The following PCDHGA2 variants were observed in gnomAD, a reference collection of about 807,000 sequenced individuals.
PCDHGA2 encodes protocadherin gamma-A2.
PCDHGA2 carries 40 observed loss-of-function variants against 59.2 expected under a neutral mutation model. The observed-to-expected ratio is 0.68, with a 90% CI of 0.52 to 0.88. The LOEUF is 0.88. Ranked by LOEUF, PCDHGA2 falls within the 40% of genes least tolerant of loss-of-function variation. PCDHGA2 has a pLI of 0.00. For missense variants in PCDHGA2, 1,226 were observed against 1,204.0 expected, an observed-to-expected ratio of 1.02 and a Z score of -0.27; for synonymous variants, 560 against 526.0, an observed-to-expected ratio of 1.06 and a Z score of -0.89.
At chr5:141,484,383 A>C (rs968059260) in intron 1 of PCDHGA2, among the ~76,000 whole-genome samples, 1 of 152,194 alleles carries the variant, frequency 6.6e-6, no homozygotes, top group Non-Finnish European at 1.5e-5. Context: ...ATGTCTGAAT[A>C]AGAAAGGTTT....
At position 141,431,374 on chromosome 5, in the gene PCDHGA2, G is replaced by T. The variant is rs1561851775; in HGVS notation, c.2425-63433G>T. On this transcript the variant is annotated intron_variant, in intron 1 of 3. Coordinates refer to ENST00000394576, the MANE Select transcript of PCDHGA2 (RefSeq NM_018915.4). The surrounding 1 kb of genome is among the most constrained non-coding windows in gnomAD (Gnocchi z 4.8). ...AACGCGCCCTGGACCGCGAAGAAAA[G>T]GCTGCTCACCACCTGGTCCTTACGG... 1.9e-6 allele frequency: 3 copies of T among 1,613,862 alleles called. No individual in the cohort carries two copies. Among genetic ancestry groups the T allele is most frequent in the Non-Finnish European group, 2.5e-6 (3 of 1,180,044 alleles).
chr5:141,343,562 T>G lies in PCDHGA2; in HGVS notation c.2424+2167T>G, dbSNP rs573818238. On this transcript the variant is annotated intron_variant, in intron 1 of 3. Coordinates refer to ENST00000394576, the MANE Select transcript of PCDHGA2 (RefSeq NM_018915.4). ...TCTTAAACTGAACAATTCAAAAAAG[T>G]TAACTCCACTATGTTTGAAGCAATA... is the stretch of plus-strand genomic sequence containing the variant. 3.3e-5 allele frequency among the ~76,000 whole-genome samples: 5 copies of G among 152,284 alleles called. No homozygotes were observed. The South Asian group carries it at 8.3e-4, about 25-fold the overall frequency.
intron 1 of PCDHGA2, chr5:141,409,940 C>T (rs1368587420): frequency 1.2e-5 from 19 of 1,613,118 alleles, no homozygotes; most frequent in Non-Finnish European, 1.6e-5. Context: ...TATGGTACCT[C>T]GCTCTGCAGA....
chr5:141,383,125 G>A (rs757654723), intron 1 of PCDHGA2: 6 of 1,614,062 alleles, frequency 3.7e-6, no homozygotes, highest in South Asian at 3.3e-5. Context: ...GCAGCTTTTC[G>A]CCCTGAACCA....
intron 1 of PCDHGA2, chr5:141,376,901 A>G: frequency 5.2e-6 from 1 of 191,460 alleles, no homozygotes. Context: ...GTTAGCCAGG[A>G]TGGTCTCGAT....
At chr5:141,443,538 G>A (rs768723399) in intron 1 of PCDHGA2, among the ~76,000 whole-genome samples, 2 of 152,118 alleles carry the variant, frequency 1.3e-5, no homozygotes, top group African/African-American at 4.8e-5. Flanking sequence ...TTTAAAGCTT[G>A]GGAAATTGTT....
chr5:141,490,686 C>T lies in PCDHGA2; in HGVS notation c.2425-4121C>T. The T allele has an allele frequency of 3.7e-6, 6 of 1,614,196 alleles. No homozygotes were observed. The highest frequency in any genetic ancestry group is 5.1e-6 in the Non-Finnish European group (6 of 1,180,014). ...GCACTGTGGCTGCCTCAGATCCAGA[C>T]ACTGGGGATAATGCCCGCCTCACCT... On this transcript the variant is annotated intron_variant, in intron 1 of 3. Coordinates refer to ENST00000394576, the MANE Select transcript of PCDHGA2 (RefSeq NM_018915.4). This position sits in a 1 kb window ranked among gnomAD's most constrained non-coding sequence, Gnocchi z 5.4.
At chr5:141,409,461 T>C in intron 1 of PCDHGA2, 1 of 1,613,928 alleles carries the variant, frequency 6.2e-7, no homozygotes, top group Non-Finnish European at 8.5e-7. Flanking sequence ...GAATACAATG[T>C]CACCATCGTA....
intron 1 of PCDHGA2, chr5:141,350,588 C>T: frequency 6.2e-7 from 1 of 1,613,962 alleles, no homozygotes; most frequent in Non-Finnish European, 8.5e-7. Flanking sequence ...CGCTGAAAAC[C>T]CAATGAATGT....
At chr5:141,447,280 C>T (rs2098533193) in intron 1 of PCDHGA2, among the ~76,000 whole-genome samples, 1 of 152,172 alleles carries the variant, frequency 6.6e-6, no homozygotes, top group Non-Finnish European at 1.5e-5. Context: ...GCTGGGACTA[C>T]AGGCACATGC....
intron 1 of PCDHGA2, chr5:141,350,971 C>T (rs772425962): frequency 6.2e-7 from 1 of 1,614,080 alleles, no homozygotes. Flanking sequence ...ATAATGCTCC[C>T]GTGTTTAGCC....
chr5:141,403,753 C>T lies in PCDHGA2; in HGVS notation c.2424+62358C>T, dbSNP rs767515334. 1.5e-5 allele frequency: 25 copies of T among 1,613,504 alleles called. No homozygotes were observed. In the South Asian group the frequency reaches 2.6e-4, roughly 17 times the overall value. On this transcript the variant is annotated intron_variant, in intron 1 of 3. Transcript: ENST00000394576. ...CCTGGCTGCTTACTGCAACAGCCAG[C>T]GACCTGGATGAGGGAATCAACGGAA...
At chr5:141,461,394 G>A (rs2099014614) in intron 1 of PCDHGA2, among the ~76,000 whole-genome samples, 1 of 152,098 alleles carries the variant, frequency 6.6e-6, no homozygotes. Flanking sequence ...GATTAGCGAT[G>A]TTGAGCATTT....
intron 1 of PCDHGA2, chr5:141,387,632 C>T (rs1345144425): frequency 3.4e-6 from 2 of 586,890 alleles, no homozygotes; most frequent in Non-Finnish European, 5.9e-6. Context: ...ACTCTGGGCG[C>T]CGCTGTTGGC....
chr5:141,421,924 G>A, intron 1 of PCDHGA2: 1 of 1,613,564 alleles, frequency 6.2e-7, no homozygotes, highest in South Asian at 1.1e-5. Context: ...TCGTGTGGTG[G>A]TCCTCGATGT....
rs759160174 is a variant in PCDHGA2, at chr5:141,385,062, G to T, written c.2424+43667G>T. 2.1e-5 allele frequency: 34 copies of T among 1,614,044 alleles called. No homozygotes were observed. In the South Asian group the frequency reaches 3.4e-4, roughly 16 times the overall value. On this transcript the variant is annotated intron_variant, in intron 1 of 3. Transcript: ENST00000394576. ...CGCTCAGGCTGCGGCGCTGGCACAA[G>T]TCACGCCTGCTGCAGGCTTCAGAAG... is the stretch of plus-strand genomic sequence containing the variant.
At chr5:141,344,666 C>T (rs766344442) in intron 1 of PCDHGA2, 19 of 1,613,968 alleles carry the variant, frequency 1.2e-5, no homozygotes, top group Non-Finnish European at 1.5e-5. Flanking sequence ...ACCAGCTTGT[C>T]CTGGTTGCCT....
intron 1 of PCDHGA2, among the ~76,000 whole-genome samples, chr5:141,358,752 C>T (rs1761009011): frequency 6.6e-6 from 1 of 152,170 alleles, no homozygotes. Context: ...TTTCTCTTGT[C>T]ATCATGTGAG....
intron 1 of PCDHGA2, chr5:141,403,323 C>G: frequency 6.2e-7 from 1 of 1,613,958 alleles, no homozygotes; most frequent in Non-Finnish European, 8.5e-7. Flanking sequence ...ATAGAAGTAA[C>G]TGATATTAAC....
Sources: gnomAD v4.1 joint callset for allele counts (sites outside exome capture counted in the v4.1 genomes callset) on GRCh38, gnomAD v4.1.1 for gene constraint, Gnocchi (gnomAD v3.1) non-coding constraint, MANE v1.5 for transcripts, NCBI Gene and HGNC (gene_info 2026-07-23, HGNC 2026-07-21) for gene names.